GRID1: variants seen among roughly 807,000 people sequenced by gnomAD.
GRID1 encodes the protein glutamate receptor ionotropic, delta-1.
A neutral mutation model predicts 98.0 loss-of-function variants in GRID1; 28 were observed. That is an observed-to-expected ratio of 0.29 (90% CI 0.21 to 0.39). GRID1 has a LOEUF of 0.39. GRID1 is among the 10% of genes least tolerant of loss of function. The pLI is 1.00. For missense variants in GRID1, 1,111 were observed against 1,340.5 expected, an observed-to-expected ratio of 0.83 and a Z score of 2.67; for synonymous variants, 553 against 538.5, an observed-to-expected ratio of 1.03 and a Z score of -0.37.
At chr10:86,071,541 C>A (rs980890255) in intron 4 of GRID1, among the ~76,000 whole-genome samples, 1 of 152,226 alleles carries the variant, frequency 6.6e-6, no homozygotes, top group African/African-American at 2.4e-5. Flanking sequence ...TTCTGCAAAT[C>A]CAAGCCATTG....
chr10:85,645,173 C>CT (rs200666550), intron 13 of GRID1, among the ~76,000 whole-genome samples: 54 of 146,018 alleles, frequency 3.7e-4, no homozygotes, highest in African/African-American at 8.3e-4. Flanking sequence ...CTAAGCAGTG[C>CT]TTTTTTTTTT....
chr10:85,618,295 C>T (rs1207584082), intron 14 of GRID1, among the ~76,000 whole-genome samples: 2 of 151,984 alleles, frequency 1.3e-5, no homozygotes, highest in South Asian at 4.2e-4. Flanking sequence ...CTTGGTGCTG[C>T]TGCTGTGTTG....
At chr10:85,704,324 C>A (rs757686602) in intron 12 of GRID1, among the ~76,000 whole-genome samples, 10 of 152,122 alleles carry the variant, frequency 6.6e-5, no homozygotes, top group Non-Finnish European at 1.3e-4. Flanking sequence ...CAATCCTAGT[C>A]TCTGATAAAA....
At chr10:85,969,546 G>A (rs147871372) in intron 4 of GRID1, among the ~76,000 whole-genome samples, 120 of 152,080 alleles carry the variant, frequency 7.9e-4, no homozygotes, top group Middle Eastern at 3.4e-3. Flanking sequence ...AGGAAATTTC[G>A]AAAATTCATG....
intron 4 of GRID1, among the ~76,000 whole-genome samples, chr10:85,917,626 AG>A (rs1445572271): frequency 2.6e-5 from 4 of 152,358 alleles, no homozygotes; most frequent in African/African-American, 9.6e-5. Flanking sequence ...TGAGGCATGG[AG>A]GTGTCGGGGC....
At chr10:86,287,859 T>C (rs73335924) in intron 2 of GRID1, among the ~76,000 whole-genome samples, 9,303 of 151,842 alleles carry the variant, frequency 0.061, 922 homozygotes, top group African/African-American at 0.21. Flanking sequence ...ATATCTAGGA[T>C]GGCAGAAGGT....
chr10:85,887,057 G>A (rs1026427906), intron 5 of GRID1, among the ~76,000 whole-genome samples: 2 of 152,184 alleles, frequency 1.3e-5, no homozygotes, highest in Admixed American at 6.5e-5. Flanking sequence ...GTTGATGACA[G>A]TAGAGAAACT....
At chr10:86,207,113 G>A (rs1846037685) in intron 2 of GRID1, among the ~76,000 whole-genome samples, 1 of 152,168 alleles carries the variant, frequency 6.6e-6, no homozygotes, top group Non-Finnish European at 1.5e-5. Context: ...TACAACTGTT[G>A]ACTGAACTGA....
chr10:85,701,048 G>A (rs1453657891), intron 12 of GRID1, among the ~76,000 whole-genome samples: 1 of 152,128 alleles, frequency 6.6e-6, no homozygotes, highest in Non-Finnish European at 1.5e-5. Context: ...AAATGAACAG[G>A]CCATTTTTTA....
At chr10:86,035,709 A>G (rs754352828) in intron 4 of GRID1, among the ~76,000 whole-genome samples, 11 of 152,244 alleles carry the variant, frequency 7.2e-5, no homozygotes, top group Non-Finnish European at 1.6e-4. Context: ...ACAAAACAGC[A>G]TAGTCCAGGA....
At chr10:85,898,573 A>G (rs1372880135) in intron 5 of GRID1, among the ~76,000 whole-genome samples, 1 of 152,128 alleles carries the variant, frequency 6.6e-6, no homozygotes, top group Non-Finnish European at 1.5e-5. Flanking sequence ...TACTTATTCT[A>G]TAAGCTTTTT....
At position 85,937,737 on chromosome 10, in the gene GRID1, G is replaced by T. The variant is rs1263964671; in HGVS notation, c.727-21498C>A. ...TTGGCAATGTCTGGGGACATTTGGGGTTGTCAAAACTTGAGGTGAGGGGGT... is the reference window on the plus strand; with the variant it reads ...TTGGCAATGTCTGGGGACATTTGGGTTTGTCAAAACTTGAGGTGAGGGGGT... On this transcript the variant is annotated intron_variant, in intron 4 of 15. Coordinates refer to ENST00000327946, the MANE Select transcript of GRID1 (RefSeq NM_017551.3). 2.0e-5 allele frequency among the ~76,000 whole-genome samples: 3 copies of T among 152,258 alleles called. No individual in the cohort carries two copies. In the East Asian group the frequency reaches 5.8e-4, roughly 29 times the overall value.
intron 4 of GRID1, among the ~76,000 whole-genome samples, chr10:86,024,937 A>G (rs1264269824): frequency 1.3e-5 from 2 of 152,200 alleles, no homozygotes; most frequent in Admixed American, 1.3e-4. Flanking sequence ...TCTGGGCCCC[A>G]GGAGTCTTTA....
chr10:85,901,765 TC>T (rs990108653), intron 5 of GRID1, among the ~76,000 whole-genome samples: 3 of 152,132 alleles, frequency 2.0e-5, no homozygotes, highest in African/African-American at 7.2e-5. Context: ...TGTCACTTCT[TC>T]CTCGGTCCTG....
At chr10:85,892,216 C>CA (rs35210466) in intron 5 of GRID1, among the ~76,000 whole-genome samples, 19,583 of 123,552 alleles carry the variant, frequency 0.16, 1,413 homozygotes, top group African/African-American at 0.21. Context: ...AAAAAAAAAA[C>CA]AAAAAAAAAA....
At chr10:85,714,851 C>T (rs1841620376) in intron 12 of GRID1, among the ~76,000 whole-genome samples, 1 of 151,888 alleles carries the variant, frequency 6.6e-6, no homozygotes, top group Non-Finnish European at 1.5e-5. Flanking sequence ...ATAACCCCTA[C>T]CAAAATACCA....
intron 6 of GRID1, among the ~76,000 whole-genome samples, chr10:85,857,606 C>T (rs1262647101): frequency 1.3e-5 from 2 of 152,158 alleles, no homozygotes; most frequent in Admixed American, 6.5e-5. Flanking sequence ...AGGTTTGTGG[C>T]CCCCCACTGA....
intron 12 of GRID1, among the ~76,000 whole-genome samples, chr10:85,687,327 C>G (rs17105778): frequency 6.6e-6 from 1 of 152,050 alleles, no homozygotes; most frequent in Admixed American, 6.6e-5. Flanking sequence ...CTCTATCCAT[C>G]CAAAAATAGG....
intron 2 of GRID1, among the ~76,000 whole-genome samples, chr10:86,298,320 G>T (rs956685514): frequency 6.6e-6 from 1 of 152,130 alleles, no homozygotes; most frequent in Non-Finnish European, 1.5e-5. Context: ...ATATGTCTAT[G>T]GACCAAGGAC....
Sources: allele counts gnomAD v4.1 joint callset (sites outside exome capture counted in the v4.1 genomes callset), GRCh38; gene constraint gnomAD v4.1.1; transcripts MANE v1.5; gene names NCBI Gene and HGNC (gene_info 2026-07-23, HGNC 2026-07-21).